MAPKAP1: variants seen among roughly 807,000 people sequenced by gnomAD.
MAPKAP1 encodes the protein MAPK associated protein 1.
A neutral mutation model predicts 65.7 loss-of-function variants in MAPKAP1; 20 were observed. The observed-to-expected ratio is 0.30, with a 90% CI of 0.21 to 0.44. The LOEUF (loss-of-function observed/expected upper bound fraction) is 0.44. Ranked by LOEUF, MAPKAP1 falls within the 20% of genes least tolerant of loss-of-function variation. The pLI, the probability that MAPKAP1 is intolerant of heterozygous loss-of-function variation, is 1.00. For missense variants in MAPKAP1, 423 were observed against 648.0 expected (o/e 0.65, Z 3.77); for synonymous variants, 222 against 244.3 (o/e 0.91, Z 0.85).
At chr9:125,675,424 AT>A (rs1248133667) in intron 1 of MAPKAP1, among the ~76,000 whole-genome samples, 5 of 152,228 alleles carry the variant, frequency 3.3e-5, no homozygotes, top group Admixed American at 3.3e-4. Flanking sequence ...GATAAGAGGA[AT>A]GGGCAAACAC....
intron 1 of MAPKAP1, among the ~76,000 whole-genome samples, chr9:125,687,198 TAC>T (rs1171219870): frequency 1.3e-5 from 2 of 149,900 alleles, no homozygotes; most frequent in African/African-American, 4.9e-5. Flanking sequence ...TGATAAACAA[TAC>T]AGTTATCTTC....
At chr9:125,481,448 A>G (rs1367450753) in intron 9 of MAPKAP1, among the ~76,000 whole-genome samples, 1 of 152,054 alleles carries the variant, frequency 6.6e-6, no homozygotes, top group Non-Finnish European at 1.5e-5. Context: ...TTTGAGACAG[A>G]GTCTAACACT....
At chr9:125,518,023 G>A (rs1328173284) in intron 7 of MAPKAP1, among the ~76,000 whole-genome samples, 7 of 152,176 alleles carry the variant, frequency 4.6e-5, no homozygotes, top group African/African-American at 1.7e-4. Context: ...CTCTTTGTTG[G>A]TGCTTAATAA....
intron 7 of MAPKAP1, among the ~76,000 whole-genome samples, chr9:125,530,766 A>T (rs1305669929): frequency 6.6e-6 from 1 of 152,252 alleles, no homozygotes; most frequent in Non-Finnish European, 1.5e-5. Flanking sequence ...CTTTCTATAG[A>T]CTTAATTCAC....
intron 4 of MAPKAP1, among the ~76,000 whole-genome samples, chr9:125,600,404 T>G (rs1011174884): frequency 1.3e-5 from 2 of 152,204 alleles, no homozygotes; most frequent in Admixed American, 1.3e-4. Flanking sequence ...CTGTGCAGCC[T>G]TGGGTAAGCC....
chr9:125,624,587 A>C (rs1227400009), intron 4 of MAPKAP1, among the ~76,000 whole-genome samples: 1 of 50,262 alleles, frequency 2.0e-5, no homozygotes, highest in African/African-American at 7.5e-5. Context: ...CCGCCCGGCC[A>C]GCCGCCCCGT....
intron 4 of MAPKAP1, among the ~76,000 whole-genome samples, chr9:125,647,421 C>G (rs116714232): frequency 0.011 from 1,699 of 152,260 alleles, 40 homozygotes; most frequent in African/African-American, 0.038. Flanking sequence ...GCTGAATTCC[C>G]TGGCCTGTAG....
chr9:125,619,797 T>A (rs1564586025), intron 4 of MAPKAP1, among the ~76,000 whole-genome samples: 1 of 147,412 alleles, frequency 6.8e-6, no homozygotes, highest in Non-Finnish European at 1.5e-5. Context: ...TTCGCTACAA[T>A]AAAAAAAAAA....
intron 4 of MAPKAP1, among the ~76,000 whole-genome samples, chr9:125,631,945 C>T (rs1183656597): frequency 5.9e-5 from 9 of 152,150 alleles, no homozygotes; most frequent in Non-Finnish European, 1.3e-4. Flanking sequence ...CTAGGCCAGG[C>T]GTGGTGGCTC....
At chr9:125,678,267 C>T (rs1376854005) in intron 1 of MAPKAP1, among the ~76,000 whole-genome samples, 1 of 150,384 alleles carries the variant, frequency 6.6e-6, no homozygotes, top group Admixed American at 6.6e-5. Context: ...TTTTTTGAGA[C>T]AGAGTCTCGC....
At chr9:125,502,461 T>A (rs900052266) in intron 8 of MAPKAP1, among the ~76,000 whole-genome samples, 2 of 152,200 alleles carry the variant, frequency 1.3e-5, no homozygotes, top group Non-Finnish European at 2.9e-5. Context: ...TCAAATACCA[T>A]TTTAGTTATA....
At chr9:125,670,169 T>C (rs1371903656) in intron 2 of MAPKAP1, among the ~76,000 whole-genome samples, 3 of 152,142 alleles carry the variant, frequency 2.0e-5, no homozygotes, top group African/African-American at 7.2e-5. Context: ...AATAATAAAA[T>C]GTGAAAACTT....
chr9:125,652,233 T>C, intron 4 of MAPKAP1: 1 of 1,303,644 alleles, frequency 7.7e-7, no homozygotes, highest in Non-Finnish European at 1.0e-6. Context: ...TTGTTCATAA[T>C]TATCCGACAT....
At chr9:125,495,374 G>T (rs1854906705) in intron 8 of MAPKAP1, among the ~76,000 whole-genome samples, 1 of 152,124 alleles carries the variant, frequency 6.6e-6, no homozygotes, top group Non-Finnish European at 1.5e-5. Flanking sequence ...CTATCAGAGG[G>T]ATGCAAATCT....
chr9:125,642,656 C>T (rs1833612040), intron 4 of MAPKAP1, among the ~76,000 whole-genome samples: 1 of 152,182 alleles, frequency 6.6e-6, no homozygotes, highest in African/African-American at 2.4e-5. Context: ...GTTAAAGAAA[C>T]CCATAAAGGT....
chr9:125,608,902 G>A (rs1259415933), intron 4 of MAPKAP1, among the ~76,000 whole-genome samples: 3 of 152,182 alleles, frequency 2.0e-5, no homozygotes, highest in Non-Finnish European at 4.4e-5. Flanking sequence ...TACTTCTCCT[G>A]TCTTTGGGCA....
In MAPKAP1 at chr9:125,439,117, C is replaced by T; in HGVS notation, c.1444-105G>A. 2 of 1,361,876 alleles carry T rather than the reference C, an allele frequency of 1.5e-6. No individual in the cohort carries two copies. Among genetic ancestry groups the T allele is most frequent in the South Asian group, 1.3e-5 (1 of 74,492 alleles). The allele number at this position is 1,361,876 out of a possible 1,614,324, so 84.4% of individuals were successfully genotyped here. On this transcript the variant is annotated intron_variant, in intron 11 of 11. Transcript: ENST00000265960. This position sits in a 1 kb window ranked among gnomAD's most constrained non-coding sequence, Gnocchi z 4.0. ...AGGCCCTGACCTGGGCCGGGTGCCT[C>T]AGGGCCAGGTGCTGTCGTGTGGAAG...
intron 1 of MAPKAP1, among the ~76,000 whole-genome samples, chr9:125,701,450 G>A (rs1041888379): frequency 4.6e-5 from 7 of 152,110 alleles, no homozygotes; most frequent in African/African-American, 9.7e-5. Context: ...GGCTGTTAGC[G>A]GTATCCGCAT....
chr9:125,698,373 T>C (rs1247915614), intron 1 of MAPKAP1, among the ~76,000 whole-genome samples: 1 of 142,594 alleles, frequency 7.0e-6, no homozygotes, highest in Non-Finnish European at 1.5e-5. Flanking sequence ...GTTTCACTCT[T>C]GTCACCCAGG....
Sources: allele counts gnomAD v4.1 joint callset (sites outside exome capture counted in the v4.1 genomes callset), GRCh38; gene constraint gnomAD v4.1.1; non-coding constraint Gnocchi (gnomAD v3.1); transcripts MANE v1.5; gene names NCBI Gene and HGNC (gene_info 2026-07-23, HGNC 2026-07-21).